ARHGAP24: variants seen among roughly 807,000 people sequenced by gnomAD.
ARHGAP24 encodes the protein Rho GTPase activating protein 24, also known as rho GTPase-activating protein 24.
ARHGAP24 carries 50 observed loss-of-function variants against 76.4 expected under a neutral mutation model. The observed-to-expected ratio is 0.65, with a 90% CI of 0.52 to 0.83. ARHGAP24 has a LOEUF of 0.83. ARHGAP24 is among the 40% of genes least tolerant of loss of function. The probability of loss-of-function intolerance (pLI) is 0.00; values close to 1 mark genes in which losing one functional copy is unlikely to be tolerated. For missense variants in ARHGAP24, 930 were observed against 914.2 expected (o/e 1.02, Z -0.22); for synonymous variants, 345 against 323.3 (o/e 1.07, Z -0.72).
intron 3 of ARHGAP24, among the ~76,000 whole-genome samples, chr4:85,832,287 T>C (rs148085941): frequency 1.8e-4 from 27 of 152,210 alleles, no homozygotes; most frequent in Non-Finnish European, 3.5e-4. Context: ...CTGGAGTGAT[T>C]TGAGCAGAAG....
chr4:85,508,896 C>G (rs959461875), intron 1 of ARHGAP24, among the ~76,000 whole-genome samples: 3 of 151,980 alleles, frequency 2.0e-5, no homozygotes. Context: ...TAGGCCTTTC[C>G]CCCTGTGACA....
chr4:85,926,664 TTA>T (rs1192568879), intron 4 of ARHGAP24, among the ~76,000 whole-genome samples: 2 of 152,206 alleles, frequency 1.3e-5, no homozygotes, highest in African/African-American at 2.4e-5. Context: ...ACCCTTTTAC[TTA>T]TGTTACACTG....
At chr4:85,946,351 TA>T (rs1737265964) in intron 5 of ARHGAP24, among the ~76,000 whole-genome samples, 1 of 152,216 alleles carries the variant, frequency 6.6e-6, no homozygotes, top group Admixed American at 6.5e-5. Context: ...CATTTTTATT[TA>T]GAATTGCGTA....
intron 2 of ARHGAP24, among the ~76,000 whole-genome samples, chr4:85,674,110 A>G (rs899512922): frequency 2.0e-5 from 3 of 152,036 alleles, no homozygotes; most frequent in African/African-American, 7.2e-5. Flanking sequence ...GTGGTTCTCA[A>G]TCTTTAGCAT....
At chr4:85,948,863 A>G (rs533327299) in intron 5 of ARHGAP24, among the ~76,000 whole-genome samples, 1 of 152,202 alleles carries the variant, frequency 6.6e-6, no homozygotes, top group East Asian at 1.9e-4. Context: ...GCCATTTCCT[A>G]CATCGAGACT....
At chr4:85,940,250 G>A (rs896040714) in intron 4 of ARHGAP24, among the ~76,000 whole-genome samples, 1 of 152,056 alleles carries the variant, frequency 6.6e-6, no homozygotes, top group African/African-American at 2.4e-5. Flanking sequence ...CTGGACAAAG[G>A]TGCTGCCAGT....
chr4:85,942,971 T>C, intron 5 of ARHGAP24, among the ~76,000 whole-genome samples: 2 of 152,260 alleles, frequency 1.3e-5, no homozygotes, highest in Middle Eastern at 6.8e-3. Context: ...AAAATACCCT[T>C]TTTTCTAATA....
chr4:85,611,770 T>G (rs1366742568), intron 2 of ARHGAP24, among the ~76,000 whole-genome samples: 1 of 152,206 alleles, frequency 6.6e-6, no homozygotes, highest in Non-Finnish European at 1.5e-5. Flanking sequence ...GATGAAAATA[T>G]GTACTGCTTG....
intron 1 of ARHGAP24, among the ~76,000 whole-genome samples, chr4:85,478,205 C>T (rs1722677806): frequency 6.6e-6 from 1 of 152,176 alleles, no homozygotes; most frequent in Non-Finnish European, 1.5e-5. Context: ...GGAACGATGC[C>T]TGTTTGCTCT....
chr4:85,711,104 G>A (rs566485412), intron 2 of ARHGAP24, among the ~76,000 whole-genome samples: 14 of 152,240 alleles, frequency 9.2e-5, no homozygotes, highest in South Asian at 8.3e-4. Context: ...GAGGGACATG[G>A]ATGGAGCTGG....
At chr4:85,756,462 T>A (rs1256397467) in intron 3 of ARHGAP24, among the ~76,000 whole-genome samples, 1 of 152,186 alleles carries the variant, frequency 6.6e-6, no homozygotes, top group Non-Finnish European at 1.5e-5. Flanking sequence ...TCTCTTCTAT[T>A]TATTACAAAA....
chr4:85,541,142 C>CTTTT (rs70948733), intron 1 of ARHGAP24, among the ~76,000 whole-genome samples: 22 of 49,772 alleles, frequency 4.4e-4, no homozygotes, highest in East Asian at 2.9e-3. Flanking sequence ...CATCCATGAC[C>CTTTT]TTTTTTTTTT....
intron 5 of ARHGAP24, 188 bp downstream of exon 5, chr4:85,942,461 T>C (rs1239346703): frequency 1.6e-6 from 1 of 618,068 alleles, no homozygotes; most frequent in Non-Finnish European, 2.8e-6. Flanking sequence ...TTAGATATCT[T>C]TCTCTTCCAT....
In ARHGAP24 at chr4:85,570,573, C is replaced by T; in HGVS notation, c.32C>T (p.Pro11Leu). ...GAGAACAATGACTCCACGGAGAACC[C>T]CCAACAAGGCCAAGGGCGGCAGAAT... MEENNDSTEN[P>L]QQGQGRQNAI... Residue 11 changes from proline (P) to leucine (L), a missense_variant, in exon 2 of 10, where the codon CCC becomes CTC. By Grantham distance (98) the Pro-to-Leu change is moderately conservative. Coordinates refer to ENST00000395184, the MANE Select transcript of ARHGAP24 (RefSeq NM_001025616.3). 1 of 1,613,974 alleles carries T rather than the reference C, an allele frequency of 6.2e-7. No individual in the cohort carries two copies. Among genetic ancestry groups the T allele is most frequent in the Non-Finnish European group, 8.5e-7 (1 of 1,179,996 alleles).
At chr4:85,868,384 G>C (rs1732329557) in intron 3 of ARHGAP24, among the ~76,000 whole-genome samples, 1 of 152,082 alleles carries the variant, frequency 6.6e-6, no homozygotes, top group Admixed American at 6.6e-5. Context: ...TACACTCTCA[G>C]CTAGTTTCTT....
intron 1 of ARHGAP24, among the ~76,000 whole-genome samples, chr4:85,542,915 C>T (rs1171641659): frequency 1.1e-4 from 16 of 151,652 alleles, no homozygotes; most frequent in South Asian, 2.1e-4. Context: ...ATCTATTTAA[C>T]GGGGTTATTG....
chr4:85,640,642 C>T (rs1228601074), intron 2 of ARHGAP24, among the ~76,000 whole-genome samples: 2 of 152,264 alleles, frequency 1.3e-5, no homozygotes, highest in African/African-American at 2.4e-5. Flanking sequence ...TTTTCAAAAT[C>T]GACAGGTCAG....
At chr4:85,743,377 G>C (rs1225944540) in intron 3 of ARHGAP24, among the ~76,000 whole-genome samples, 1 of 112,566 alleles carries the variant, frequency 8.9e-6, no homozygotes, top group Admixed American at 1.4e-4. Context: ...AAGACGCCAA[G>C]GCGGGATCCC....
intron 2 of ARHGAP24, among the ~76,000 whole-genome samples, chr4:85,607,809 A>T (rs949518303): frequency 6.8e-6 from 1 of 146,614 alleles, no homozygotes; most frequent in Non-Finnish European, 1.5e-5. Flanking sequence ...CGCCGTGCCA[A>T]CTTTCTCAGG....
Sources: allele counts gnomAD v4.1 joint callset (sites outside exome capture counted in the v4.1 genomes callset), GRCh38; gene constraint gnomAD v4.1.1; transcripts MANE v1.5; gene names NCBI Gene and HGNC (gene_info 2026-07-23, HGNC 2026-07-21).